The following ELMOD1 variants were observed in gnomAD, a reference collection of about 807,000 sequenced individuals.
The protein encoded by ELMOD1 is ELMO domain-containing protein 1.
Under a neutral mutation model 46.7 loss-of-function variants are expected in ELMOD1, and 21 were observed. The observed-to-expected ratio is 0.45, with a 90% CI of 0.32 to 0.65. ELMOD1 has a LOEUF of 0.65. Among genes scored for constraint, ELMOD1 ranks in the 30% least tolerant of loss-of-function variants. The pLI is 0.04. For missense variants in ELMOD1, 348 were observed against 407.8 expected (o/e 0.85, Z 1.26); for synonymous variants, 122 against 138.2 (o/e 0.88, Z 0.82).
rs1455170274 is a variant in ELMOD1, at chr11:107,664,827, G to A, written c.833-198G>A. ...TTCCAGGGCCAATTGCAAAAAGCTT[G>A]CAGATTGGTAGGCTTCAACTGCACT... On this transcript the variant is annotated intron_variant, in intron 11 of 11. Transcript: ENST00000265840. Among the ~76,000 whole-genome samples, 3 of 152,064 alleles carry A rather than the reference G, an allele frequency of 2.0e-5. 1 individual carries two copies. In the East Asian group the frequency reaches 5.8e-4, roughly 29 times the overall value.
At chr11:107,610,725 G>A (rs7123473) in intron 1 of ELMOD1, among the ~76,000 whole-genome samples, 15,856 of 151,258 alleles carry the variant, frequency 0.1, 1,873 homozygotes, top group African/African-American at 0.3. Flanking sequence ...TATAAACCAG[G>A]CTTACATGTA....
chr11:107,612,135 TG>T (rs1358737762), intron 1 of ELMOD1, among the ~76,000 whole-genome samples: 1 of 152,172 alleles, frequency 6.6e-6, no homozygotes, highest in Non-Finnish European at 1.5e-5. Flanking sequence ...AACAGTGAAC[TG>T]GATAAAGAAT....
chr11:107,658,515 C>G (rs2135716779), intron 11 of ELMOD1, among the ~76,000 whole-genome samples: 1 of 152,146 alleles, frequency 6.6e-6, no homozygotes, highest in Admixed American at 6.5e-5. Flanking sequence ...GGAAGACAGG[C>G]ATTTAAACAA....
At chr11:107,656,204 A>G (rs1866628806) in intron 11 of ELMOD1, 138 bp downstream of exon 11, 1 of 904,486 alleles carries the variant, frequency 1.1e-6, no homozygotes, top group Non-Finnish European at 1.6e-6. Flanking sequence ...CTTGGCCAGC[A>G]TGGTGAAACC....
At chr11:107,652,742 T>C (rs1356208404) in intron 9 of ELMOD1, among the ~76,000 whole-genome samples, 1 of 152,210 alleles carries the variant, frequency 6.6e-6, no homozygotes, top group African/African-American at 2.4e-5. Context: ...TAAAAATAGG[T>C]GGCACGTTTT....
rs1866215002 is a variant in ELMOD1, at chr11:107,635,583, A to G, written c.291-53A>G. On this transcript the variant is annotated intron_variant, in intron 5 of 11. Coordinates refer to ENST00000265840, the MANE Select transcript of ELMOD1 (RefSeq NM_018712.4). ...GCATACATCAAGTGAACAAATGCCA[A>G]AGTGAATGCCCTGTTCTTCCTTGTG... 3.8e-6 allele frequency: 6 copies of G among 1,570,966 alleles called. No individual in the cohort carries two copies. The South Asian group carries it at 6.0e-5, about 16-fold the overall frequency.
chr11:107,652,678 C>T (rs1359629475), intron 9 of ELMOD1, among the ~76,000 whole-genome samples: 1 of 152,144 alleles, frequency 6.6e-6, no homozygotes. Flanking sequence ...AAAAAATCTC[C>T]TGATCTCCTG....
chr11:107,662,852 C>T lies in ELMOD1; in HGVS notation c.833-2173C>T, dbSNP rs546452048. 2.7e-5 allele frequency among the ~76,000 whole-genome samples: 4 copies of T among 150,904 alleles called. No homozygotes were observed. The East Asian group carries it at 5.9e-4, about 22-fold the overall frequency. Reference sequence around the variant, plus strand: ...GGCTGCAGTGAGCTGAGATTCGCCACTGTGCTCCAGCCTGGGCAACAGAGC... The same window carrying T: ...GGCTGCAGTGAGCTGAGATTCGCCATTGTGCTCCAGCCTGGGCAACAGAGC... On this transcript the variant is annotated intron_variant, in intron 11 of 11. Transcript: ENST00000265840.
At chr11:107,641,046 C>A (rs1866313755) in intron 6 of ELMOD1, among the ~76,000 whole-genome samples, 1 of 152,144 alleles carries the variant, frequency 6.6e-6, no homozygotes, top group African/African-American at 2.4e-5. Flanking sequence ...CTAACAGGCA[C>A]TTTGGGAAGC....
At chr11:107,606,232 A>C (rs1344261554) in intron 1 of ELMOD1, among the ~76,000 whole-genome samples, 1 of 152,140 alleles carries the variant, frequency 6.6e-6, no homozygotes, top group East Asian at 1.9e-4. Context: ...CCATTATCTC[A>C]ATTTGCTAAT....
At chr11:107,616,218 A>G (rs1444430567) in intron 1 of ELMOD1, among the ~76,000 whole-genome samples, 1 of 151,788 alleles carries the variant, frequency 6.6e-6, no homozygotes, top group Non-Finnish European at 1.5e-5. Context: ...CTGGTCTCAA[A>G]CTGCTGGCCT....
chr11:107,622,672 C>T (rs1198878059), intron 2 of ELMOD1, among the ~76,000 whole-genome samples: 9 of 152,222 alleles, frequency 5.9e-5, no homozygotes, highest in African/African-American at 1.9e-4. Flanking sequence ...TTTTATTCAG[C>T]ATGACCCACT....
chr11:107,602,187 T>C (rs1260152167), intron 1 of ELMOD1, among the ~76,000 whole-genome samples: 1 of 152,246 alleles, frequency 6.6e-6, no homozygotes, highest in Non-Finnish European at 1.5e-5. Context: ...GCTTCTGTGT[T>C]CCTGTTGACA....
Position 107,654,200 on chromosome 11 carries a change from A to G in ELMOD1, c.676A>G (p.Lys226Glu), listed in dbSNP as rs1344903384. The change falls in exon 10 of 12, where the codon AAA (lysine) becomes GAA (glutamate). Residue 226 changes from lysine (K) to glutamate (E), a missense_variant. Transcript: ENST00000265840. ...SKFSKAEWEK[K>E]RMDKAIGYSF... is the part of the protein sequence containing the mutation. ...ATTCAGCAAAGCAGAATGGGAGAAG[A>G]AAAGGATGGATAAGGCAATTGGGTG... is the stretch of plus-strand genomic sequence containing the variant. The G allele has an allele frequency of 6.3e-7, 1 of 1,591,556 alleles. No individual in the cohort carries two copies. The highest frequency in any genetic ancestry group is 8.6e-7 in the Non-Finnish European group (1 of 1,168,162).
At chr11:107,636,936 G>A (rs1329855491) in intron 6 of ELMOD1, among the ~76,000 whole-genome samples, 1 of 152,132 alleles carries the variant, frequency 6.6e-6, no homozygotes, top group Non-Finnish European at 1.5e-5. Context: ...AAGAGGTGTT[G>A]TAATTAACAG....
At chr11:107,630,794 A>C in intron 4 of ELMOD1, 66 bp downstream of exon 4, 1 of 1,519,404 alleles carries the variant, frequency 6.6e-7, no homozygotes, top group Non-Finnish European at 8.9e-7. Context: ...ATAAGAAGTA[A>C]AAATTCTAAG....
At chr11:107,608,114 T>TTC (rs1338486898) in intron 1 of ELMOD1, among the ~76,000 whole-genome samples, 3 of 152,046 alleles carry the variant, frequency 2.0e-5, no homozygotes, top group Non-Finnish European at 4.4e-5. Flanking sequence ...GGAACATGTT[T>TTC]TCATATTCTA....
intron 11 of ELMOD1, among the ~76,000 whole-genome samples, chr11:107,659,486 A>C (rs1388557729): frequency 6.6e-6 from 1 of 152,104 alleles, no homozygotes; most frequent in African/African-American, 2.4e-5. Context: ...GTTCATCAGC[A>C]CCTGGGAGAA....
rs1443270997 is a variant in ELMOD1, at chr11:107,637,648, G to A, written c.420+1883G>A. Among the ~76,000 whole-genome samples, 6 of 151,448 alleles carry A rather than the reference G, an allele frequency of 4.0e-5. No homozygotes were observed. The South Asian group carries it at 6.2e-4, about 16-fold the overall frequency. On this transcript the variant is annotated intron_variant, in intron 6 of 11. Coordinates refer to ENST00000265840, the MANE Select transcript of ELMOD1 (RefSeq NM_018712.4). ...GCGGAGGTTGCAATGAGCCTAGATC[G>A]CACCACTGCACTCCAGCCTGGGTGA... is the stretch of plus-strand genomic sequence containing the variant.
Sources: allele counts gnomAD v4.1 joint callset (sites outside exome capture counted in the v4.1 genomes callset), GRCh38; gene constraint gnomAD v4.1.1; transcripts MANE v1.5; gene names NCBI Gene and HGNC (gene_info 2026-07-23, HGNC 2026-07-21).